Variants in CNTN4 observed in about 807,000 individuals in gnomAD.
CNTN4 encodes the protein contactin 4.
Under a neutral mutation model 122.5 loss-of-function variants are expected in CNTN4, and 77 were observed. That is an observed-to-expected ratio of 0.63 (90% confidence interval 0.52 to 0.76). The LOEUF is 0.76. Ranked by LOEUF, CNTN4 falls within the 30% of genes least tolerant of loss-of-function variation. CNTN4 has a pLI of 0.00. For missense variants in CNTN4, 1,256 were observed against 1,259.1 expected, an observed-to-expected ratio of 1.00 and a Z score of 0.04; for synonymous variants, 512 against 447.0, an observed-to-expected ratio of 1.15 and a Z score of -1.83.
intron 2 of CNTN4, among the ~76,000 whole-genome samples, chr3:2,189,598 C>G (rs115230322): frequency 2.0e-5 from 3 of 152,118 alleles, no homozygotes; most frequent in African/African-American, 7.2e-5. Flanking sequence ...ATATTCTTCT[C>G]GCCTCCATGT....
intron 3 of CNTN4, among the ~76,000 whole-genome samples, chr3:2,391,671 A>G (rs2150887919): frequency 6.6e-6 from 1 of 152,334 alleles, no homozygotes; most frequent in African/African-American, 2.4e-5. Context: ...CTCAAAATTT[A>G]GATTGAGAAA....
At chr3:2,125,770 A>G (rs540312757) in intron 2 of CNTN4, among the ~76,000 whole-genome samples, 59 of 151,664 alleles carry the variant, frequency 3.9e-4, no homozygotes, top group African/African-American at 1.4e-3. Flanking sequence ...GTTAAGCAGG[A>G]TGGTCTCGAT....
rs1420347302 is a variant in CNTN4, at chr3:2,244,286, T to A, written c.-144-94892T>A. 3.3e-5 allele frequency among the ~76,000 whole-genome samples: 5 copies of A among 152,102 alleles called. No homozygotes were observed. The East Asian group carries it at 9.6e-4, about 29-fold the overall frequency. On this transcript the variant is annotated intron_variant, in intron 2 of 24. Coordinates refer to ENST00000418658, the MANE Select transcript of CNTN4 (RefSeq NM_175607.3). ...CATCTCAAAATATCTTATTATACTG[T>A]ACTCACCTATTTTTGGACTGTGGGT...
intron 3 of CNTN4, among the ~76,000 whole-genome samples, chr3:2,524,432 G>A (rs1490432846): frequency 6.6e-6 from 1 of 152,102 alleles, no homozygotes; most frequent in Non-Finnish European, 1.5e-5. Flanking sequence ...GTTGTGAACA[G>A]TGACCCTATG....
intron 7 of CNTN4, among the ~76,000 whole-genome samples, chr3:2,833,683 T>C (rs997602164): frequency 2.0e-5 from 3 of 152,244 alleles, no homozygotes; most frequent in African/African-American, 7.2e-5. Flanking sequence ...TGGTGTTTTA[T>C]ACATGGTGTT....
chr3:2,448,534 C>T (rs185830511), intron 3 of CNTN4, among the ~76,000 whole-genome samples: 110 of 152,210 alleles, frequency 7.2e-4, no homozygotes, highest in Non-Finnish European at 1.1e-3. Context: ...ATTGAACACT[C>T]GAAAGCTATC....
chr3:2,521,141 C>T (rs868617718), intron 3 of CNTN4, among the ~76,000 whole-genome samples: 2 of 152,024 alleles, frequency 1.3e-5, no homozygotes, highest in African/African-American at 4.8e-5. Flanking sequence ...TTAAGTTGAT[C>T]TCATATAGGC....
intron 4 of CNTN4, among the ~76,000 whole-genome samples, chr3:2,612,464 T>A (rs2081540646): frequency 6.6e-6 from 1 of 152,118 alleles, no homozygotes; most frequent in African/African-American, 2.4e-5. Context: ...TGGGGGACCG[T>A]GTGTATATGT....
At chr3:2,961,404 A>G (rs59375271) in intron 13 of CNTN4, among the ~76,000 whole-genome samples, 6,687 of 152,016 alleles carry the variant, frequency 0.044, 322 homozygotes, top group African/African-American at 0.11. Flanking sequence ...GGTGATAGCT[A>G]ACTGATACAG....
intron 4 of CNTN4, among the ~76,000 whole-genome samples, chr3:2,612,368 A>T (rs1051960537): frequency 2.6e-5 from 4 of 152,150 alleles, no homozygotes; most frequent in South Asian, 4.1e-4. Context: ...TACCTCATGT[A>T]GTTTATTGAA....
intron 3 of CNTN4, among the ~76,000 whole-genome samples, chr3:2,394,782 T>C (rs1375906653): frequency 7.2e-6 from 1 of 138,178 alleles, no homozygotes; most frequent in Non-Finnish European, 1.6e-5. Context: ...AACCTTATAT[T>C]AGTTTTTTTT....
chr3:2,155,548 T>A (rs1204462277), intron 2 of CNTN4, among the ~76,000 whole-genome samples: 1 of 152,244 alleles, frequency 6.6e-6, no homozygotes, highest in African/African-American at 2.4e-5. Context: ...AAAACTGTTT[T>A]TAAGTGAATT....
In CNTN4 at chr3:2,778,156, G is replaced by C. The variant is rs527727053; in HGVS notation, c.358+32459G>C. Among the ~76,000 whole-genome samples the C allele has an allele frequency of 3.3e-3, 461 of 140,492 alleles. 18 individuals are homozygous for C. Among genetic ancestry groups the C allele is most frequent in the Non-Finnish European group, 5.5e-3 (359 of 64,820 alleles). 92.2% of individuals were successfully genotyped at this position (140,492 alleles called of 152,430 possible). ...GGGAACCCAGGAAGCGGAGCTTGTGGTGAGCCGAGATCGCGCCACTGCACT... is the reference window on the plus strand; with the variant it reads ...GGGAACCCAGGAAGCGGAGCTTGTGCTGAGCCGAGATCGCGCCACTGCACT... On this transcript the variant is annotated intron_variant, in intron 6 of 24. Transcript: ENST00000418658.
intron 13 of CNTN4, among the ~76,000 whole-genome samples, chr3:2,938,379 A>G (rs1329233869): frequency 6.6e-6 from 1 of 151,956 alleles, no homozygotes; most frequent in Non-Finnish European, 1.5e-5. Flanking sequence ...AATTTCTTTT[A>G]ATCCTCGTAA....
chr3:2,710,452 ATTTCCTT>A (rs1279791704), intron 4 of CNTN4, among the ~76,000 whole-genome samples: 1 of 152,098 alleles, frequency 6.6e-6, no homozygotes. Flanking sequence ...AACTAGTGCA[ATTTCCTT>A]TTCCTGAAAG....
intron 2 of CNTN4, among the ~76,000 whole-genome samples, chr3:2,159,129 C>T (rs1229029226): frequency 2.0e-5 from 3 of 152,094 alleles, no homozygotes; most frequent in Non-Finnish European, 2.9e-5. Flanking sequence ...TCTCTTAGCA[C>T]CATACAGGAT....
intron 22 of CNTN4, among the ~76,000 whole-genome samples, 168 bp from the exon 23 acceptor site, chr3:3,043,424 T>G (rs920157005): frequency 1.3e-5 from 2 of 152,222 alleles, no homozygotes; most frequent in Non-Finnish European, 2.9e-5. Context: ...CTGAATCTTT[T>G]TCCATTTGCA....
intron 3 of CNTN4, among the ~76,000 whole-genome samples, chr3:2,427,263 T>A (rs954077492): frequency 5.3e-5 from 8 of 152,340 alleles, no homozygotes; most frequent in Non-Finnish European, 1.0e-4. Context: ...GAGATTCTGG[T>A]ATGTTGTGTC....
chr3:2,726,032 C>T (rs2088198009), intron 4 of CNTN4, among the ~76,000 whole-genome samples: 1 of 152,138 alleles, frequency 6.6e-6, no homozygotes, highest in Admixed American at 6.5e-5. Flanking sequence ...ATAAAGCTTG[C>T]TTGGGACGGA....
Sources: allele counts gnomAD v4.1 joint callset (sites outside exome capture counted in the v4.1 genomes callset), GRCh38; gene constraint gnomAD v4.1.1; transcripts MANE v1.5; gene names NCBI Gene and HGNC (gene_info 2026-07-23, HGNC 2026-07-21).